GRM1: variants seen among roughly 807,000 people sequenced by gnomAD.
GRM1 encodes the protein glutamate metabotropic receptor 1.
GRM1 carries 33 observed loss-of-function variants against 90.9 expected under a neutral mutation model. That is an observed-to-expected ratio of 0.36 (90% CI 0.28 to 0.49). The LOEUF (loss-of-function observed/expected upper bound fraction) is 0.49, where lower values mean the gene tolerates loss of function less well. GRM1 is among the 20% of genes least tolerant of loss of function. GRM1 has a pLI of 0.99. For synonymous variants in GRM1, 700 were observed against 613.2 expected (o/e 1.14, Z -2.09); for missense variants, 1,190 against 1,534.3 (o/e 0.78, Z 3.75).
intron 7 of GRM1, among the ~76,000 whole-genome samples, chr6:146,404,930 C>T (rs1276060566): frequency 6.6e-6 from 1 of 152,128 alleles, no homozygotes; most frequent in Non-Finnish European, 1.5e-5. Context: ...TAAACTAGAG[C>T]AGTAAAGTTG....
intron 1 of GRM1, among the ~76,000 whole-genome samples, chr6:146,134,440 T>C (rs935609033): frequency 1.3e-5 from 2 of 152,104 alleles, no homozygotes; most frequent in African/African-American, 4.8e-5. Flanking sequence ...CAAGACTAGG[T>C]AATTTATAAA....
At chr6:146,323,638 T>G (rs1369731811) in intron 3 of GRM1, among the ~76,000 whole-genome samples, 3 of 152,194 alleles carry the variant, frequency 2.0e-5, no homozygotes, top group African/African-American at 7.2e-5. Flanking sequence ...GCCATTGCTT[T>G]TGGTGTTTTA....
chr6:146,243,820 G>A (rs906878719), intron 2 of GRM1, among the ~76,000 whole-genome samples: 1 of 152,068 alleles, frequency 6.6e-6, no homozygotes, highest in African/African-American at 2.4e-5. Flanking sequence ...GAGCACTACG[G>A]GAGACTGGGG....
At chr6:146,216,712 C>A (rs1779885013) in intron 2 of GRM1, among the ~76,000 whole-genome samples, 1 of 152,218 alleles carries the variant, frequency 6.6e-6, no homozygotes, top group Non-Finnish European at 1.5e-5. Flanking sequence ...ACATTCACAG[C>A]AGAGTCACCG....
chr6:146,134,564 AG>A (rs1411065878), intron 1 of GRM1, among the ~76,000 whole-genome samples: 1 of 152,142 alleles, frequency 6.6e-6, no homozygotes, highest in Non-Finnish European at 1.5e-5. Context: ...GTCAGGAGAG[AG>A]TAGTGCAGAG....
At chr6:146,404,973 A>G (rs1777292563) in intron 7 of GRM1, among the ~76,000 whole-genome samples, 1 of 152,198 alleles carries the variant, frequency 6.6e-6, no homozygotes, top group African/African-American at 2.4e-5. Context: ...AAGTTTTCTG[A>G]GCTTAATTCA....
chr6:146,145,433 G>A (rs1170519382), intron 1 of GRM1, among the ~76,000 whole-genome samples: 1 of 152,160 alleles, frequency 6.6e-6, no homozygotes, highest in Non-Finnish European at 1.5e-5. Context: ...TGAGCTAGCT[G>A]CCCAGGGCCA....
intron 2 of GRM1, among the ~76,000 whole-genome samples, chr6:146,182,827 A>T (rs1778599184): frequency 6.6e-6 from 1 of 152,196 alleles, no homozygotes; most frequent in African/African-American, 2.4e-5. Flanking sequence ...CTAGCCAAAG[A>T]TCAAATATCC....
chr6:146,398,052 G>A (rs1777029789), intron 6 of GRM1, among the ~76,000 whole-genome samples: 1 of 152,192 alleles, frequency 6.6e-6, no homozygotes, highest in Non-Finnish European at 1.5e-5. Flanking sequence ...AGAAGGAAAA[G>A]ATAAGCCAGG....
At chr6:146,111,633 C>T (rs1775564670) in intron 1 of GRM1, among the ~76,000 whole-genome samples, 2 of 152,110 alleles carry the variant, frequency 1.3e-5, no homozygotes, top group South Asian at 4.2e-4. Flanking sequence ...AGGAGTTGTT[C>T]ATGCAGGATA....
chr6:146,150,410 T>A (rs1253448283), intron 1 of GRM1, among the ~76,000 whole-genome samples: 4 of 152,166 alleles, frequency 2.6e-5, no homozygotes, highest in African/African-American at 9.7e-5. Context: ...ATTACTAATT[T>A]AAAAAAATTA....
At chr6:146,277,084 A>G (rs1406325727) in intron 2 of GRM1, among the ~76,000 whole-genome samples, 1 of 152,238 alleles carries the variant, frequency 6.6e-6, no homozygotes, top group African/African-American at 2.4e-5. Flanking sequence ...CCTAGGCAAC[A>G]GAGTGAGACT....
At chr6:146,319,240 A>G (rs1394365420) in intron 3 of GRM1, among the ~76,000 whole-genome samples, 1 of 151,998 alleles carries the variant, frequency 6.6e-6, no homozygotes, top group Non-Finnish European at 1.5e-5. Context: ...TCCCCATTGC[A>G]TGTTTTTGTC....
intron 5 of GRM1, among the ~76,000 whole-genome samples, chr6:146,377,357 A>C (rs529198712): frequency 1.9e-4 from 29 of 152,274 alleles, no homozygotes; most frequent in African/African-American, 7.0e-4. Context: ...AGTGATATGG[A>C]CAATAAGGTC....
intron 5 of GRM1, among the ~76,000 whole-genome samples, chr6:146,379,589 G>T (rs1776243647): frequency 1.3e-5 from 2 of 152,100 alleles, no homozygotes; most frequent in Admixed American, 6.6e-5. Flanking sequence ...GTCTTATTTA[G>T]TTAATTTAGT....
At chr6:146,172,692 G>T (rs1778181258) in intron 2 of GRM1, among the ~76,000 whole-genome samples, 1 of 152,146 alleles carries the variant, frequency 6.6e-6, no homozygotes, top group African/African-American at 2.4e-5. Flanking sequence ...TACTCAATGT[G>T]GGGTTGGGAT....
chr6:146,213,306 G>C (rs1779743149), intron 2 of GRM1, among the ~76,000 whole-genome samples: 2 of 152,012 alleles, frequency 1.3e-5, no homozygotes, highest in Admixed American at 1.3e-4. Context: ...AGATTGGGTG[G>C]GGGGCGGTAA....
At chr6:146,028,925 A>G (rs567408223), upstream of GRM1, among the ~76,000 whole-genome samples, 145 of 152,228 alleles carry the variant, frequency 9.5e-4, no homozygotes, top group Middle Eastern at 0.01. Flanking sequence ...GTTAGAAAGC[A>G]TGATAGGTTT....
At chr6:146,068,090 TA>T (rs929009157) in intron 1 of GRM1, among the ~76,000 whole-genome samples, 1 of 151,868 alleles carries the variant, frequency 6.6e-6, no homozygotes, top group Non-Finnish European at 1.5e-5. Flanking sequence ...ATGTGTAGAT[TA>T]AATATCATTG....
Sources: allele counts gnomAD v4.1 joint callset (sites outside exome capture counted in the v4.1 genomes callset), GRCh38; gene constraint gnomAD v4.1.1; transcripts MANE v1.5; gene names NCBI Gene and HGNC (gene_info 2026-07-23, HGNC 2026-07-21).